The following ASTN2 variants were observed in gnomAD, a reference collection of about 807,000 sequenced individuals.
The protein encoded by ASTN2 is astrotactin-2.
ASTN2 carries 54 observed loss-of-function variants against 139.8 expected under a neutral mutation model. The observed-to-expected ratio is 0.39, with a 90% CI of 0.31 to 0.48. The LOEUF is 0.48. ASTN2 is among the 20% of genes least tolerant of loss of function. The probability of loss-of-function intolerance (pLI) is 0.95; values close to 1 mark genes in which losing one functional copy is unlikely to be tolerated. For synonymous variants in ASTN2, 756 were observed against 719.5 expected (o/e 1.05, Z -0.81); for missense variants, 1,565 against 1,725.1 (o/e 0.91, Z 1.64).
intron 20 of ASTN2, among the ~76,000 whole-genome samples, chr9:116,450,767 C>T (rs1305245079): frequency 6.6e-6 from 1 of 152,320 alleles, no homozygotes; most frequent in South Asian, 2.1e-4. Context: ...CTCTCACATG[C>T]AGCCACCCAC....
chr9:117,304,330 A>ATATGT (rs961974326), intron 1 of ASTN2, among the ~76,000 whole-genome samples: 3 of 152,266 alleles, frequency 2.0e-5, no homozygotes, highest in Admixed American at 2.0e-4. Flanking sequence ...GTGTCACGCT[A>ATATGT]TATGTAATCA....
chr9:117,015,680 G>A (rs991934800), intron 6 of ASTN2, among the ~76,000 whole-genome samples: 3 of 152,114 alleles, frequency 2.0e-5, no homozygotes, highest in Admixed American at 6.6e-5. Context: ...ATGACAAAGC[G>A]AAGAAAGAAG....
At chr9:116,436,130 G>A (rs1847642777) in intron 22 of ASTN2, among the ~76,000 whole-genome samples, 1 of 152,138 alleles carries the variant, frequency 6.6e-6, no homozygotes, top group South Asian at 2.1e-4. Flanking sequence ...CTGACACATA[G>A]TTAGCACATT....
At chr9:116,957,323 A>T (rs1835739499) in intron 10 of ASTN2, among the ~76,000 whole-genome samples, 1 of 152,222 alleles carries the variant, frequency 6.6e-6, no homozygotes, top group Non-Finnish European at 1.5e-5. Context: ...AAAGAAAGAC[A>T]ATGCTTTTTG....
At chr9:116,868,958 G>T (rs1833084939) in intron 10 of ASTN2, among the ~76,000 whole-genome samples, 1 of 152,150 alleles carries the variant, frequency 6.6e-6, no homozygotes, top group Non-Finnish European at 1.5e-5. Flanking sequence ...GCTGAGGCAG[G>T]TGGATCACCT....
At chr9:116,925,343 T>C (rs985289100) in intron 10 of ASTN2, among the ~76,000 whole-genome samples, 1 of 151,944 alleles carries the variant, frequency 6.6e-6, no homozygotes, top group African/African-American at 2.4e-5. Context: ...GAGTGAGGAG[T>C]CTCCCAGTTA....
At chr9:117,055,318 T>C (rs1839026928) in intron 5 of ASTN2, among the ~76,000 whole-genome samples, 2 of 152,290 alleles carry the variant, frequency 1.3e-5, no homozygotes, top group East Asian at 1.9e-4. Context: ...ATTAGGTATA[T>C]CAAGATCTGA....
chr9:116,542,545 T>C (rs866401895), intron 19 of ASTN2, among the ~76,000 whole-genome samples: 10 of 152,206 alleles, frequency 6.6e-5, no homozygotes, highest in Non-Finnish European at 1.5e-4. Context: ...AGCCAAGTTA[T>C]ATATATTCTG....
chr9:117,086,479 C>T (rs571544064), intron 5 of ASTN2, among the ~76,000 whole-genome samples: 1 of 152,254 alleles, frequency 6.6e-6, no homozygotes, highest in Non-Finnish European at 1.5e-5. Context: ...GAGGCTGAGG[C>T]AGGAGAATCG....
intron 19 of ASTN2, among the ~76,000 whole-genome samples, chr9:116,498,250 T>C (rs1849732867): frequency 6.6e-6 from 1 of 152,116 alleles, no homozygotes; most frequent in Non-Finnish European, 1.5e-5. Flanking sequence ...TCTTAATTGC[T>C]CTGTCTCTGT....
At chr9:116,790,966 G>GGAAAGAAAGAAA (rs1180188046) in intron 13 of ASTN2, among the ~76,000 whole-genome samples, 37 of 65,874 alleles carry the variant, frequency 5.6e-4, no homozygotes, top group Non-Finnish European at 7.6e-4. Context: ...AAAGAAAGAA[G>GGAAAGAAAGAAA]GAAAGAAAGA....
intron 1 of ASTN2, among the ~76,000 whole-genome samples, chr9:117,401,302 T>C (rs1298226748): frequency 6.6e-6 from 1 of 152,138 alleles, no homozygotes; most frequent in Non-Finnish European, 1.5e-5. Flanking sequence ...TGCCTCCAAA[T>C]ACCTGTCAGG....
chr9:117,271,472 T>TA (rs1294383530), intron 2 of ASTN2, among the ~76,000 whole-genome samples: 1 of 152,176 alleles, frequency 6.6e-6, no homozygotes, highest in Non-Finnish European at 1.5e-5. Flanking sequence ...CTCATGTCCT[T>TA]ACATTTCAAA....
At chr9:116,887,845 T>G (rs1017827298) in intron 10 of ASTN2, among the ~76,000 whole-genome samples, 6 of 152,052 alleles carry the variant, frequency 3.9e-5, no homozygotes, top group African/African-American at 1.2e-4. Context: ...GTTTTATATT[T>G]TTTTTAGAGA....
intron 19 of ASTN2, among the ~76,000 whole-genome samples, chr9:116,496,883 C>T (rs1849685432): frequency 1.3e-5 from 2 of 152,100 alleles, no homozygotes; most frequent in Admixed American, 6.5e-5. Context: ...ATCATGAGAA[C>T]AGCACAGGTA....
chr9:117,061,557 C>T (rs914267667), intron 5 of ASTN2, among the ~76,000 whole-genome samples: 3 of 152,116 alleles, frequency 2.0e-5, no homozygotes, highest in African/African-American at 7.2e-5. Flanking sequence ...AATTTAGACT[C>T]ATCTTTAAAC....
intron 19 of ASTN2, among the ~76,000 whole-genome samples, chr9:116,556,551 T>G (rs1053220387): frequency 1.3e-5 from 2 of 152,230 alleles, no homozygotes; most frequent in African/African-American, 2.4e-5. Context: ...GTTTTTATTT[T>G]GTTTCATACA....
chr9:117,123,871 A>G (rs1032252498), intron 4 of ASTN2, among the ~76,000 whole-genome samples: 1 of 152,174 alleles, frequency 6.6e-6, no homozygotes, highest in Non-Finnish European at 1.5e-5. Context: ...CACTGTATCA[A>G]ATGAGTATGA....
intron 3 of ASTN2, among the ~76,000 whole-genome samples, chr9:117,213,175 A>T (rs1453867998): frequency 6.6e-6 from 1 of 152,186 alleles, no homozygotes; most frequent in Non-Finnish European, 1.5e-5. Flanking sequence ...GCAAAATAAG[A>T]CAGGAATGGA....
Sources: gnomAD v4.1 joint callset for allele counts (sites outside exome capture counted in the v4.1 genomes callset) on GRCh38, gnomAD v4.1.1 for gene constraint, MANE v1.5 for transcripts, NCBI Gene and HGNC (gene_info 2026-07-23, HGNC 2026-07-21) for gene names.